Variants in GLI2 observed in about 807,000 individuals in gnomAD.
The protein encoded by GLI2 is transcription activator GLI2.
A neutral mutation model predicts 78.9 loss-of-function variants in GLI2; 22 were observed. The ratio of observed to expected loss-of-function variants is 0.28; its 90% CI spans 0.20 to 0.40. The LOEUF (loss-of-function observed/expected upper bound fraction) is 0.40. Among genes scored for constraint, GLI2 ranks in the 10% least tolerant of loss-of-function variants. GLI2 has a pLI of 1.00. For missense variants in GLI2, 2,097 were observed against 2,213.2 expected, an observed-to-expected ratio of 0.95 and a Z score of 1.05; for synonymous variants, 974 against 963.7, an observed-to-expected ratio of 1.01 and a Z score of -0.20.
Position 120,988,960 on chromosome 2 carries a change from G to T in GLI2, c.2995G>T (p.Asp999Tyr). ...GLRLQSHPST[D>Y]GGLARGAYSP... The stretch of plus-strand genomic sequence containing the variant: ...CCGCCTGCAGAGCCACCCGAGCACC[G>T]ACGGCGGCCTGGCCCGCGGCGCCTA... The change falls in exon 14 of 14, where the codon GAC becomes TAC. Residue 999 changes from aspartate (D) to tyrosine (Y), a missense_variant. By Grantham distance (160) the Asp-to-Tyr change is radical. Transcript: ENST00000361492. 6.5e-7 allele frequency: 1 copy of T among 1,544,814 alleles called. No individual in the cohort carries two copies.
intron 2 of GLI2, among the ~76,000 whole-genome samples, chr2:120,879,797 T>C (rs1444502798): frequency 6.6e-6 from 1 of 152,204 alleles, no homozygotes; most frequent in African/African-American, 2.4e-5. Flanking sequence ...ACGCGCCTGT[T>C]CTAATGAGGA....
At chr2:120,955,584 A>G (rs2104966464) in intron 5 of GLI2, among the ~76,000 whole-genome samples, 154 bp downstream of exon 5, 1 of 152,320 alleles carries the variant, frequency 6.6e-6, no homozygotes, top group South Asian at 2.1e-4. Context: ...ACAGGCACTG[A>G]ATCTTTGGAC....
chr2:120,744,519 G>A (rs1044754385), intron 1 of GLI2, among the ~76,000 whole-genome samples: 11 of 152,184 alleles, frequency 7.2e-5, no homozygotes, highest in African/African-American at 9.7e-5. Flanking sequence ...TTCATCTACC[G>A]AAGATGTGGT....
At chr2:120,946,895 G>A (rs917735460) in intron 3 of GLI2, among the ~76,000 whole-genome samples, 10 of 152,236 alleles carry the variant, frequency 6.6e-5, no homozygotes, top group Admixed American at 1.3e-4. Context: ...GATGCTGGCA[G>A]TTCTGCCAGC....
rs528598629 is a variant in GLI2, at chr2:120,791,244, G to A, written c.-30-6047G>A. Among the ~76,000 whole-genome samples the A allele has an allele frequency of 2.1e-4, 32 of 152,342 alleles. No individual in the cohort carries two copies. The East Asian group carries it at 6.0e-3, about 28-fold the overall frequency. On this transcript the variant is annotated intron_variant, in intron 1 of 13. Coordinates refer to ENST00000361492, the MANE Select transcript of GLI2 (RefSeq NM_001374353.1). ...TCCCTATCTCCTTCAGGGTGGAGGAGTGAGTGTAAATTTGTCTGGATGGGA... is the reference window on the plus strand; with the variant it reads ...TCCCTATCTCCTTCAGGGTGGAGGAATGAGTGTAAATTTGTCTGGATGGGA...
intron 12 of GLI2, 62 bp downstream of exon 12, chr2:120,984,805 C>A: frequency 6.4e-7 from 1 of 1,566,774 alleles, no homozygotes; most frequent in Non-Finnish European, 8.7e-7. Flanking sequence ...CAGGGCCACC[C>A]CTTGCCACGG....
Position 120,975,045 on chromosome 2 carries a change from A to C in GLI2, c.1253A>C (p.Tyr418Ser). 6.2e-7 allele frequency: 1 copy of C among 1,614,090 alleles called. No homozygotes were observed. The highest frequency in any genetic ancestry group is 8.5e-7 in the Non-Finnish European group (1 of 1,180,030). The part of the protein sequence containing the change: ...DCKQEAEVVI[Y>S]ETNCHWEDCT... Reference sequence around the variant, plus strand: ...AAGCAGGAGGCTGAGGTGGTCATCTATGAGACCAACTGCCACTGGGAAGAC... The same window carrying C: ...AAGCAGGAGGCTGAGGTGGTCATCTCTGAGACCAACTGCCACTGGGAAGAC... Residue 418 changes from tyrosine (Y) to serine (S), a missense_variant, in exon 9 of 14, where the codon TAT becomes TCT. Physicochemically the swap from Tyr to Ser is moderately radical, Grantham distance 144. Around this residue, in one of 5 missense-constraint regions of GLI2, gnomAD observed 578 missense variants for 612.0 expected, o/e 0.94. Coordinates refer to ENST00000361492, the MANE Select transcript of GLI2 (RefSeq NM_001374353.1).
intron 2 of GLI2, among the ~76,000 whole-genome samples, chr2:120,802,789 A>G (rs1684763323): frequency 6.6e-6 from 1 of 152,220 alleles, no homozygotes; most frequent in African/African-American, 2.4e-5. Context: ...TGTACCTGCA[A>G]TGGCCAACGC....
rs1050011362 is a variant in GLI2, at chr2:120,834,689, G to A, written c.148+37221G>A. Among the ~76,000 whole-genome samples, 8 of 152,304 alleles carry A rather than the reference G, an allele frequency of 5.3e-5. 1 individual carries two copies. The South Asian group carries it at 6.2e-4, about 12-fold the overall frequency. On this transcript the variant is annotated intron_variant, in intron 2 of 13. Coordinates refer to ENST00000361492, the MANE Select transcript of GLI2 (RefSeq NM_001374353.1). ...GTGAGATGGGGTCTGGGTTCTTGCA[G>A]ACCCCTTTGTTCACAGACCTTTTCC...
chr2:120,935,015 GAT>G (rs1262287327), intron 3 of GLI2, among the ~76,000 whole-genome samples: 1 of 152,208 alleles, frequency 6.6e-6, no homozygotes, highest in African/African-American at 2.4e-5. Context: ...TGAGCAGAAA[GAT>G]ATTTTCTTCT....
intron 2 of GLI2, among the ~76,000 whole-genome samples, chr2:120,885,984 A>G (rs1473295128): frequency 1.3e-5 from 2 of 152,192 alleles, no homozygotes; most frequent in African/African-American, 2.4e-5. Flanking sequence ...CACCTGTTAT[A>G]TACCAGATAA....
chr2:120,895,595 C>T (rs1313238610), intron 2 of GLI2, among the ~76,000 whole-genome samples: 5 of 152,026 alleles, frequency 3.3e-5, no homozygotes, highest in Non-Finnish European at 7.4e-5. Flanking sequence ...CCCAGCTGCT[C>T]GGGAGGCTGA....
chr2:120,780,686 C>T (rs1026767321), intron 1 of GLI2, among the ~76,000 whole-genome samples: 3 of 152,214 alleles, frequency 2.0e-5, no homozygotes, highest in Non-Finnish European at 2.9e-5. Context: ...AGCCTGGAGA[C>T]GTTAAGCCTG....
chr2:120,781,884 A>G (rs1414571825), intron 1 of GLI2, among the ~76,000 whole-genome samples: 1 of 151,734 alleles, frequency 6.6e-6, no homozygotes, highest in African/African-American at 2.4e-5. Flanking sequence ...TCCATCTCAA[A>G]AAAAAAAAAA....
At chr2:120,826,761 G>A (rs1053379106) in intron 2 of GLI2, among the ~76,000 whole-genome samples, 1 of 152,166 alleles carries the variant, frequency 6.6e-6, no homozygotes, top group African/African-American at 2.4e-5. Context: ...CAGGCCTTTC[G>A]GGAATGATTT....
At chr2:120,955,118 A>G in intron 4 of GLI2, 127 bp from the exon 5 acceptor site, 2 of 704,674 alleles carry the variant, frequency 2.8e-6, no homozygotes, top group Non-Finnish European at 5.0e-6. Flanking sequence ...TGCCGAGGAG[A>G]GAAACCCCGA....
At position 120,988,301 on chromosome 2, in the gene GLI2, T is replaced by C. The variant is rs1683080764; in HGVS notation, c.2336T>C (p.Val779Ala). Residue 779 changes from valine (V) to alanine (A), a missense_variant, in exon 14 of 14, where the codon GTG (valine) becomes GCG (alanine). Val to Ala is a moderately conservative substitution (Grantham distance 64). Coordinates refer to ENST00000361492, the MANE Select transcript of GLI2 (RefSeq NM_001374353.1). The stretch of plus-strand genomic sequence containing the variant: ...CTGTCGGAGCTGTCCGCGAGCGAGG[T>C]GACCATGCTGAGCCAGCTGCAGGAG... ...PRLSELSASE[V>A]TMLSQLQERR... 1.9e-6 allele frequency: 3 copies of C among 1,562,624 alleles called. No individual in the cohort carries two copies. Among genetic ancestry groups the C allele is most frequent in the East Asian group, 2.4e-5 (1 of 41,626 alleles).
At chr2:120,883,922 C>G (rs2104723370) in intron 2 of GLI2, among the ~76,000 whole-genome samples, 1 of 152,298 alleles carries the variant, frequency 6.6e-6, no homozygotes, top group South Asian at 2.1e-4. Flanking sequence ...GTCTGTGCTC[C>G]AGACCCCCGC....
In GLI2 at chr2:120,906,816, G is replaced by A. The variant is rs535009924; in HGVS notation, c.149-20545G>A. Among the ~76,000 whole-genome samples the A allele has an allele frequency of 8.0e-4, 121 of 152,170 alleles. 1 individual carries two copies. Among genetic ancestry groups the A allele is most frequent in the Middle Eastern group, 3.4e-3 (1 of 294 alleles). On this transcript the variant is annotated intron_variant, in intron 2 of 13. Coordinates refer to ENST00000361492, the MANE Select transcript of GLI2 (RefSeq NM_001374353.1). Reference sequence around the variant, plus strand: ...ATCCTTCCTCCAGAATGCTTGACTCGCCCTCCCTGCATCCCCGCGTGGCAG... The same window carrying A: ...ATCCTTCCTCCAGAATGCTTGACTCACCCTCCCTGCATCCCCGCGTGGCAG...
Sources: allele counts gnomAD v4.1 joint callset (sites outside exome capture counted in the v4.1 genomes callset), GRCh38; gene constraint gnomAD v4.1.1; regional missense constraint gnomAD v4.1.1; transcripts MANE v1.5; gene names NCBI Gene and HGNC (gene_info 2026-07-23, HGNC 2026-07-21).